Variants in CRIM1 observed in about 807,000 individuals in gnomAD.
CRIM1 encodes the protein cysteine rich transmembrane BMP regulator 1.
A neutral mutation model predicts 116.4 loss-of-function variants in CRIM1; 32 were observed. The observed-to-expected ratio is 0.27, with a 90% confidence interval of 0.21 to 0.37. The LOEUF (loss-of-function observed/expected upper bound fraction) is 0.37. Ranked by LOEUF, CRIM1 falls within the 10% of genes least tolerant of loss-of-function variation. CRIM1 has a pLI of 1.00. For synonymous variants in CRIM1, 590 were observed against 509.2 expected (o/e 1.16, Z -2.13); for missense variants, 1,331 against 1,354.8 (o/e 0.98, Z 0.28).
chr2:36,486,191 A>T (rs557747657), intron 7 of CRIM1, among the ~76,000 whole-genome samples: 1 of 152,356 alleles, frequency 6.6e-6, no homozygotes, highest in African/African-American at 2.4e-5. Context: ...GATTTTTCAC[A>T]GCTATATAGA....
chr2:36,401,594 A>AG (rs961275133), intron 2 of CRIM1, among the ~76,000 whole-genome samples: 2 of 152,308 alleles, frequency 1.3e-5, no homozygotes, highest in African/African-American at 4.8e-5. Context: ...GGTGTGTTCT[A>AG]GGGGTCTCTC....
chr2:36,449,704 C>T (rs1431928610), intron 4 of CRIM1, among the ~76,000 whole-genome samples: 1 of 152,064 alleles, frequency 6.6e-6, no homozygotes, highest in East Asian at 1.9e-4. Context: ...GGAACCCAAG[C>T]CGCTAGCGAC....
Position 36,425,986 on chromosome 2 carries a change from A to G in CRIM1, c.506-15272A>G, listed in dbSNP as rs112564798. Among the ~76,000 whole-genome samples, 30 of 152,310 alleles carry G rather than the reference A, an allele frequency of 2.0e-4. 1 individual carries two copies. Among genetic ancestry groups the G allele is most frequent in the Admixed American group, 1.6e-3 (24 of 15,298 alleles). The stretch of plus-strand genomic sequence containing the variant: ...TAGCTGGTGACAAGCCAACCACCCA[A>G]TTGTTTTTAGCCCATTATCACATAT... On this transcript the variant is annotated intron_variant, in intron 2 of 16. Coordinates refer to ENST00000280527, the MANE Select transcript of CRIM1 (RefSeq NM_016441.3).
intron 1 of CRIM1, among the ~76,000 whole-genome samples, chr2:36,380,385 A>T (rs1670653842): frequency 6.6e-6 from 1 of 151,962 alleles, no homozygotes; most frequent in South Asian, 2.1e-4. Context: ...TTGGGTCTGG[A>T]TGGGGCCACA....
At chr2:36,426,551 A>G (rs1332681456) in intron 2 of CRIM1, among the ~76,000 whole-genome samples, 1 of 152,182 alleles carries the variant, frequency 6.6e-6, no homozygotes, top group Non-Finnish European at 1.5e-5. Context: ...GGTATGTCCA[A>G]GTAGAACTAG....
chr2:36,413,069 G>A (rs1206807915), intron 2 of CRIM1, among the ~76,000 whole-genome samples: 1 of 152,160 alleles, frequency 6.6e-6, no homozygotes. Flanking sequence ...TTCACTTACT[G>A]GCATTTGGGA....
chr2:36,442,220 T>G (rs1181570293), intron 3 of CRIM1, among the ~76,000 whole-genome samples: 1 of 152,172 alleles, frequency 6.6e-6, no homozygotes, highest in Non-Finnish European at 1.5e-5. Context: ...GTTGTTTTTT[T>G]GTTTGGGTTT....
chr2:36,391,797 C>CAA (rs5830425), intron 1 of CRIM1, among the ~76,000 whole-genome samples: 6 of 120,774 alleles, frequency 5.0e-5, no homozygotes, highest in African/African-American at 1.3e-4. Flanking sequence ...ACTAATGGTG[C>CAA]AAAAAAAAAA....
chr2:36,545,433 A>G (rs1487329066), intron 15 of CRIM1, among the ~76,000 whole-genome samples: 1 of 152,170 alleles, frequency 6.6e-6, no homozygotes, highest in Non-Finnish European at 1.5e-5. Flanking sequence ...AGACTTCAAC[A>G]TACTGTAAGT....
At chr2:36,400,432 C>G (rs1672328554) in intron 2 of CRIM1, among the ~76,000 whole-genome samples, 1 of 152,076 alleles carries the variant, frequency 6.6e-6, no homozygotes, top group African/African-American at 2.4e-5. Flanking sequence ...GGAATAGTAG[C>G]AGGGAAGAGA....
At chr2:36,527,846 C>G (rs1665859454) in intron 13 of CRIM1, among the ~76,000 whole-genome samples, 1 of 152,254 alleles carries the variant, frequency 6.6e-6, no homozygotes, top group East Asian at 1.9e-4. Context: ...ACATTTTTCA[C>G]CGCTGCTTCT....
At position 36,523,055 on chromosome 2, in the gene CRIM1, A is replaced by G. The variant is rs144271379; in HGVS notation, c.2428+742A>G. ...CTGCAACCTCCGCCTCCTGGGTTCAAGTAATTCTCCTGCCTCAGCCTCCCT... is the reference window on the plus strand; with the variant it reads ...CTGCAACCTCCGCCTCCTGGGTTCAGGTAATTCTCCTGCCTCAGCCTCCCT... On this transcript the variant is annotated intron_variant, in intron 13 of 16. Coordinates refer to ENST00000280527, the MANE Select transcript of CRIM1 (RefSeq NM_016441.3). Among the ~76,000 whole-genome samples, 1,393 of 151,640 alleles carry G rather than the reference A, an allele frequency of 9.2e-3. 27 individuals are homozygous for G. Among genetic ancestry groups the G allele is most frequent in the African/African-American group, 0.032 (1,334 of 41,374 alleles).
chr2:36,412,301 C>T (rs965345539), intron 2 of CRIM1, among the ~76,000 whole-genome samples: 1 of 144,372 alleles, frequency 6.9e-6, no homozygotes, highest in Non-Finnish European at 1.5e-5. Context: ...GGGGGGCGCA[C>T]GGAATACCGA....
At chr2:36,510,233 C>G in intron 9 of CRIM1, 94 bp downstream of exon 9, 2 of 1,252,702 alleles carry the variant, frequency 1.6e-6, no homozygotes, top group Non-Finnish European at 2.3e-6. Flanking sequence ...GTGAATTAAT[C>G]TATGGTATAT....
At chr2:36,381,266 C>T (rs1437357977) in intron 1 of CRIM1, among the ~76,000 whole-genome samples, 3 of 152,348 alleles carry the variant, frequency 2.0e-5, no homozygotes, top group Non-Finnish European at 2.9e-5. Flanking sequence ...GCCCCATGGC[C>T]TTGAGGTGGG....
intron 1 of CRIM1, among the ~76,000 whole-genome samples, chr2:36,377,494 T>G (rs1027526364): frequency 1.2e-4 from 18 of 152,174 alleles, no homozygotes; most frequent in Non-Finnish European, 7.3e-5. Flanking sequence ...CCTGGCATGG[T>G]GTGTTACCCT....
At chr2:36,546,630 C>G (rs1279815325) in intron 15 of CRIM1, among the ~76,000 whole-genome samples, 2 of 152,080 alleles carry the variant, frequency 1.3e-5, no homozygotes, top group Non-Finnish European at 2.9e-5. Flanking sequence ...CTGAGAAGAC[C>G]ATGTATGTTA....
chr2:36,409,405 C>A (rs1572667416), intron 2 of CRIM1, among the ~76,000 whole-genome samples: 1 of 152,164 alleles, frequency 6.6e-6, no homozygotes, highest in African/African-American at 2.4e-5. Flanking sequence ...TTGTGAAATT[C>A]ATATTGAATT....
intron 2 of CRIM1, among the ~76,000 whole-genome samples, chr2:36,430,979 G>A (rs1352811181): frequency 6.6e-6 from 1 of 152,206 alleles, no homozygotes; most frequent in Non-Finnish European, 1.5e-5. Context: ...TCTCTCCAGA[G>A]TGGAGACGAT....
Sources: gnomAD v4.1 joint callset for allele counts (sites outside exome capture counted in the v4.1 genomes callset) on GRCh38, gnomAD v4.1.1 for gene constraint, MANE v1.5 for transcripts, NCBI Gene and HGNC (gene_info 2026-07-23, HGNC 2026-07-21) for gene names.